The following ACBD3 variants were observed in gnomAD, a reference collection of about 807,000 sequenced individuals.
ACBD3 encodes Golgi resident protein GCP60.
A neutral mutation model predicts 66.9 loss-of-function variants in ACBD3; 30 were observed. The ratio of observed to expected loss-of-function variants is 0.45; its 90% CI spans 0.34 to 0.61. ACBD3 has a LOEUF of 0.61. Ranked by LOEUF, ACBD3 falls within the 20% of genes least tolerant of loss-of-function variation. The pLI is 0.02. For synonymous variants in ACBD3, 278 were observed against 259.8 expected, an observed-to-expected ratio of 1.07 and a Z score of -0.68; for missense variants, 544 against 664.5, an observed-to-expected ratio of 0.82 and a Z score of 1.99.
chr1:226,185,422 T>C (rs963680715), intron 1 of ACBD3, among the ~76,000 whole-genome samples: 2 of 152,214 alleles, frequency 1.3e-5, no homozygotes, highest in Non-Finnish European at 2.9e-5. Context: ...GAAAGTGTCA[T>C]AAATATGCTG....
Position 226,186,662 on chromosome 1 carries a change from A to T in ACBD3, c.14T>A (p.Leu5Gln). The change falls in exon 1 of 8, where the codon CTG becomes CAG. Residue 5 changes from leucine (L) to glutamine (Q), a missense_variant. By Grantham distance (113) the Leu-to-Gln change is moderately radical (BLOSUM62 -2). Around this residue, in one of 3 missense-constraint regions of ACBD3, gnomAD observed 137 missense variants for 145.9 expected, o/e 0.94. Coordinates refer to ENST00000366812, the MANE Select transcript of ACBD3 (RefSeq NM_022735.4). MAAV[L>Q]NAERLEVSVD... Reference sequence around the variant, plus strand: ...GGACACCTCGAGTCGCTCTGCGTTCAGCACCGCCGCCATCTCCGGCTGCTG... The same window carrying T: ...GGACACCTCGAGTCGCTCTGCGTTCTGCACCGCCGCCATCTCCGGCTGCTG... 1 of 1,506,638 alleles carries T rather than the reference A, an allele frequency of 6.6e-7. No individual in the cohort carries two copies. The highest frequency in any genetic ancestry group is 8.8e-7 in the Non-Finnish European group (1 of 1,133,566). 93.3% of individuals were successfully genotyped at this position (1,506,638 alleles called of 1,614,324 possible). A position where few individuals can be genotyped will look rare whatever the true frequency, so the allele number is the denominator to read the frequency against.
intron 3 of ACBD3, among the ~76,000 whole-genome samples, chr1:226,163,382 C>T (rs557148126): frequency 1.1e-4 from 17 of 151,978 alleles, no homozygotes; most frequent in Admixed American, 6.5e-4. Context: ...CTACAGACAC[C>T]CTAGCGATAC....
At chr1:226,157,370 G>A (rs1659695221) in intron 5 of ACBD3, among the ~76,000 whole-genome samples, 1 of 151,918 alleles carries the variant, frequency 6.6e-6, no homozygotes, top group South Asian at 2.1e-4. Flanking sequence ...CTCACGAGTA[G>A]CTGAGATTAC....
intron 1 of ACBD3, among the ~76,000 whole-genome samples, chr1:226,167,352 G>GT (rs1659895277): frequency 6.6e-6 from 1 of 152,144 alleles, no homozygotes; most frequent in African/African-American, 2.4e-5. Context: ...TAACCTCTCA[G>GT]TTTATTCATC....
chr1:226,168,363 C>T (rs1208402502), intron 1 of ACBD3, among the ~76,000 whole-genome samples: 3 of 152,126 alleles, frequency 2.0e-5, no homozygotes, highest in African/African-American at 7.2e-5. Flanking sequence ...TGTGTATGCC[C>T]TATGATCCAG....
intron 1 of ACBD3, among the ~76,000 whole-genome samples, chr1:226,169,271 A>G (rs1054182618): frequency 3.3e-5 from 5 of 149,732 alleles, no homozygotes; most frequent in African/African-American, 1.2e-4. Flanking sequence ...TTCTCGAGAC[A>G]GAGTCTCGCT....
intron 4 of ACBD3, among the ~76,000 whole-genome samples, chr1:226,160,619 T>G (rs1659753892): frequency 6.6e-6 from 1 of 152,242 alleles, no homozygotes; most frequent in African/African-American, 2.4e-5. Context: ...TCTGAGGAAC[T>G]ACCCAGAAAT....
At chr1:226,149,344 A>G (rs1659518204) in intron 7 of ACBD3, among the ~76,000 whole-genome samples, 1 of 150,682 alleles carries the variant, frequency 6.6e-6, no homozygotes, top group Admixed American at 6.6e-5. Flanking sequence ...CTCCTGCCTC[A>G]GTCTCCCAAG....
intron 5 of ACBD3, among the ~76,000 whole-genome samples, chr1:226,158,232 C>A (rs1253500940): frequency 2.0e-5 from 3 of 152,220 alleles, no homozygotes. Flanking sequence ...AAGATTATTT[C>A]ATGCAGTAAG....
chr1:226,160,866 A>G (rs1659758180), intron 4 of ACBD3, among the ~76,000 whole-genome samples: 2 of 152,222 alleles, frequency 1.3e-5, no homozygotes, highest in African/African-American at 4.8e-5. Flanking sequence ...TCTGACATAG[A>G]CTGGACCAAC....
intron 1 of ACBD3, among the ~76,000 whole-genome samples, chr1:226,178,308 C>T (rs1323140505): frequency 2.6e-5 from 4 of 151,924 alleles, no homozygotes; most frequent in African/African-American, 9.7e-5. Context: ...CAGTGGCTCA[C>T]ACCTGTAATC....
At chr1:226,158,699 T>A (rs149536467) in intron 5 of ACBD3, among the ~76,000 whole-genome samples, 11 of 152,338 alleles carry the variant, frequency 7.2e-5, no homozygotes, top group African/African-American at 2.4e-4. Flanking sequence ...GGAGGAGGAA[T>A]AGCAATGTGC....
intron 1 of ACBD3, among the ~76,000 whole-genome samples, chr1:226,169,556 C>A (rs1659947885): frequency 1.1e-5 from 1 of 91,090 alleles, no homozygotes. Flanking sequence ...GACTGCCTGG[C>A]TATTTTTTTT....
intron 1 of ACBD3, among the ~76,000 whole-genome samples, chr1:226,172,973 C>G (rs1292863928): frequency 2.0e-5 from 3 of 151,058 alleles, no homozygotes; most frequent in African/African-American, 7.3e-5. Context: ...AACAAACAAA[C>G]AAACAAACCC....
chr1:226,148,307 G>C (rs568759101), intron 7 of ACBD3, among the ~76,000 whole-genome samples: 1 of 152,172 alleles, frequency 6.6e-6, no homozygotes, highest in Non-Finnish European at 1.5e-5. Context: ...AGGGTATATG[G>C]GTACTCTTTG....
intron 7 of ACBD3, among the ~76,000 whole-genome samples, chr1:226,147,780 A>G (rs1659486803): frequency 6.6e-6 from 1 of 152,198 alleles, no homozygotes; most frequent in Non-Finnish European, 1.5e-5. Context: ...TAATGCTATG[A>G]GGTTAGGAAA....
chr1:226,163,074 T>TACAGATGTGAGCCACC (rs1267067499), intron 3 of ACBD3, among the ~76,000 whole-genome samples: 1 of 152,138 alleles, frequency 6.6e-6, no homozygotes, highest in African/African-American at 2.4e-5. Context: ...GTGCTGAGAT[T>TACAGATGTGAGCCACC]ACAGATGTGA....
chr1:226,145,932 G>A lies in ACBD3; in HGVS notation c.*678C>T, dbSNP rs1389500005. ...GGATTCAAAGTTTGTGGAAGTTCCT[G>A]AAGAAAAATCTCTGAGGTGTTCTAC... On this transcript the variant is annotated 3_prime_UTR_variant, in exon 8 of 8. Transcript: ENST00000366812. 2 of 152,470 alleles carry A rather than the reference G, an allele frequency of 1.3e-5. No homozygotes were observed. The highest frequency in any genetic ancestry group is 2.9e-5 in the Non-Finnish European group (2 of 68,034). The allele number at this position is 152,470 out of a possible 1,614,324, so 9.4% of individuals were successfully genotyped here.
intron 3 of ACBD3, among the ~76,000 whole-genome samples, chr1:226,162,416 G>GAAAATTTATGC (rs1206551887): frequency 1.3e-5 from 2 of 152,034 alleles, no homozygotes; most frequent in Non-Finnish European, 2.9e-5. Context: ...TGCCATAAAT[G>GAAAATTTATGC]AAAATTTTAT....
Sources: gnomAD v4.1 joint callset for allele counts (sites outside exome capture counted in the v4.1 genomes callset) on GRCh38, gnomAD v4.1.1 for gene constraint, gnomAD v4.1.1 regional missense constraint, MANE v1.5 for transcripts, NCBI Gene and HGNC (gene_info 2026-07-23, HGNC 2026-07-21) for gene names.